Variants in RBFOX1 observed in about 807,000 individuals in gnomAD.
RBFOX1 encodes the protein RNA binding protein fox-1 homolog 1.
RBFOX1 carries 8 observed loss-of-function variants against 57.7 expected under a neutral mutation model. That is an observed-to-expected ratio of 0.14 (90% CI 0.08 to 0.25). The LOEUF (loss-of-function observed/expected upper bound fraction) is 0.25, where lower values mean the gene tolerates loss of function less well. RBFOX1 is among the 10% of genes least tolerant of loss of function. The probability of loss-of-function intolerance (pLI) is 1.00; values close to 1 mark genes in which losing one functional copy is unlikely to be tolerated. For missense variants in RBFOX1, 611 were observed against 548.5 expected (o/e 1.11, Z -1.14); for synonymous variants, 326 against 222.4 (o/e 1.47, Z -4.15).
intron 14 of RBFOX1, among the ~76,000 whole-genome samples, chr16:7,690,060 A>G (rs2076988416): frequency 6.6e-6 from 1 of 152,052 alleles, no homozygotes; most frequent in Non-Finnish European, 1.5e-5. Flanking sequence ...CCTTCCTTGA[A>G]TCCACTTCCT....
At chr16:6,868,905 G>T (rs2143003142) in intron 3 of RBFOX1, among the ~76,000 whole-genome samples, 1 of 152,308 alleles carries the variant, frequency 6.6e-6, no homozygotes, top group East Asian at 1.9e-4. Flanking sequence ...TGCTTGAAGT[G>T]ACATTTTGTG....
chr16:6,500,095 A>G (rs890724233), intron 2 of RBFOX1, among the ~76,000 whole-genome samples: 6 of 152,174 alleles, frequency 3.9e-5, no homozygotes, highest in African/African-American at 1.4e-4. Flanking sequence ...TGGTTAAAAA[A>G]CAAGTTGAAG....
At chr16:5,716,193 CT>C in intron 3 of RBFOX1, among the ~76,000 whole-genome samples, 1 of 152,166 alleles carries the variant, frequency 6.6e-6, no homozygotes, top group Admixed American at 6.5e-5. Context: ...TATTTTTAAA[CT>C]TTTATTTGGT....
At chr16:6,096,146 C>T (rs2096243021) in intron 1 of RBFOX1, among the ~76,000 whole-genome samples, 1 of 152,132 alleles carries the variant, frequency 6.6e-6, no homozygotes, top group African/African-American at 2.4e-5. Context: ...TTTGTATATG[C>T]TCTTAATTAT....
At chr16:7,282,946 G>A (rs965709874) in intron 4 of RBFOX1, among the ~76,000 whole-genome samples, 2 of 152,194 alleles carry the variant, frequency 1.3e-5, no homozygotes, top group African/African-American at 4.8e-5. Flanking sequence ...TCCATCATGT[G>A]TGTGTGTTTG....
At chr16:7,093,995 T>C (rs1005269993) in intron 4 of RBFOX1, among the ~76,000 whole-genome samples, 1 of 151,448 alleles carries the variant, frequency 6.6e-6, no homozygotes, top group Non-Finnish European at 1.5e-5. Context: ...AAAACAATGA[T>C]GTTGTCTTTA....
intron 3 of RBFOX1, among the ~76,000 whole-genome samples, chr16:7,019,980 T>TC (rs1217450825): frequency 1.4e-4 from 17 of 123,500 alleles, no homozygotes; most frequent in East Asian, 2.4e-4. Flanking sequence ...TGGCTCTCTC[T>TC]TTTTTTTTTT....
At chr16:5,727,815 G>C (rs2151551729) in intron 3 of RBFOX1, among the ~76,000 whole-genome samples, 1 of 152,290 alleles carries the variant, frequency 6.6e-6, no homozygotes, top group Non-Finnish European at 1.5e-5. Flanking sequence ...AGCCTGCTGA[G>C]TAGCTGGGAC....
At chr16:7,422,132 G>A (rs779349951) in intron 4 of RBFOX1, among the ~76,000 whole-genome samples, 7 of 152,228 alleles carry the variant, frequency 4.6e-5, no homozygotes, top group Non-Finnish European at 1.0e-4. Context: ...GGGCCACATC[G>A]TATTTCTGTG....
intron 3 of RBFOX1, among the ~76,000 whole-genome samples, chr16:6,912,514 C>T (rs750550635): frequency 3.9e-5 from 6 of 152,130 alleles, no homozygotes; most frequent in African/African-American, 7.2e-5. Context: ...GCTAAGATAA[C>T]TAAACTAAAG....
intron 4 of RBFOX1, among the ~76,000 whole-genome samples, chr16:5,944,849 C>A (rs190043930): frequency 1.4e-4 from 20 of 141,608 alleles, no homozygotes; most frequent in African/African-American, 5.3e-4. Context: ...GTCCCAGCTA[C>A]TCAGGAGGCA....
At chr16:6,987,272 C>T (rs755386659) in intron 3 of RBFOX1, among the ~76,000 whole-genome samples, 1 of 152,106 alleles carries the variant, frequency 6.6e-6, no homozygotes, top group Non-Finnish European at 1.5e-5. Flanking sequence ...AATATTCATG[C>T]TGGATGGAAT....
chr16:7,597,496 A>C, intron 9 of RBFOX1, 65 bp downstream of exon 9: 3 of 1,400,838 alleles, frequency 2.1e-6, no homozygotes, highest in Non-Finnish European at 3.0e-6. Flanking sequence ...TAATTTAACC[A>C]GAGATTCTAT....
At chr16:5,285,470 G>A (rs1020527800) in intron 1 of RBFOX1, among the ~76,000 whole-genome samples, 4 of 151,882 alleles carry the variant, frequency 2.6e-5, no homozygotes, top group Non-Finnish European at 5.9e-5. Flanking sequence ...CTTTTTATTG[G>A]AATCTGTTGC....
At chr16:5,657,618 TTCTC>T (rs35869077) in intron 3 of RBFOX1, among the ~76,000 whole-genome samples, 14,721 of 109,420 alleles carry the variant, frequency 0.13, 1,303 homozygotes, top group African/African-American at 0.25. Context: ...CTTTCTTTCT[TTCTC>T]TCTTTCTTTC....
At chr16:5,915,149 C>G (rs974732870) in intron 4 of RBFOX1, among the ~76,000 whole-genome samples, 1 of 152,160 alleles carries the variant, frequency 6.6e-6, no homozygotes, top group Non-Finnish European at 1.5e-5. Flanking sequence ...ATTGCCCACT[C>G]CCTTTGTCTC....
At chr16:5,253,659 T>A (rs1320654336) in intron 1 of RBFOX1, among the ~76,000 whole-genome samples, 1 of 152,216 alleles carries the variant, frequency 6.6e-6, no homozygotes, top group African/African-American at 2.4e-5. Context: ...ATAGTTTCTA[T>A]TTAGTCATTG....
rs376547831 is a variant in RBFOX1, at chr16:7,321,770, C to T, written c.28-196377C>T. Among the ~76,000 whole-genome samples, 7 of 152,344 alleles carry T rather than the reference C, an allele frequency of 4.6e-5. 1 individual carries two copies. The highest frequency in any genetic ancestry group is 1.7e-4 in the African/African-American group (7 of 41,586). On this transcript the variant is annotated intron_variant, in intron 4 of 15. Transcript: ENST00000550418. ...GAGCCAGAAAGGAAATGAGGTCACT[C>T]AGAGTGGTTCCTCTTTTGATGTCCC...
intron 3 of RBFOX1, among the ~76,000 whole-genome samples, chr16:6,772,233 T>G (rs2078412560): frequency 6.6e-6 from 1 of 152,108 alleles, no homozygotes; most frequent in East Asian, 1.9e-4. Context: ...GGGAGTTTTT[T>G]TAATATCATA....
Sources: gnomAD v4.1 joint callset for allele counts (sites outside exome capture counted in the v4.1 genomes callset) on GRCh38, gnomAD v4.1.1 for gene constraint, MANE v1.5 for transcripts, NCBI Gene and HGNC (gene_info 2026-07-23, HGNC 2026-07-21) for gene names.